Variants in AUTS2 observed in about 807,000 individuals in gnomAD.
AUTS2 encodes the protein autism susceptibility gene 2 protein.
AUTS2 carries 17 observed loss-of-function variants against 112.4 expected under a neutral mutation model. That is an observed-to-expected ratio of 0.15 (90% CI 0.10 to 0.23). The LOEUF is 0.23. Ranked by LOEUF, AUTS2 falls within the 10% of genes least tolerant of loss-of-function variation. AUTS2 has a pLI of 1.00. For missense variants in AUTS2, 1,510 were observed against 1,701.6 expected, an observed-to-expected ratio of 0.89 and a Z score of 1.98; for synonymous variants, 751 against 702.7, an observed-to-expected ratio of 1.07 and a Z score of -1.09.
chr7:69,809,109 C>T (rs956831405), intron 1 of AUTS2, among the ~76,000 whole-genome samples: 2 of 151,970 alleles, frequency 1.3e-5, no homozygotes, highest in African/African-American at 2.4e-5. Flanking sequence ...GAGTCTCGCT[C>T]CGTTGCCCAG....
At chr7:70,332,879 A>G (rs1790821648) in intron 4 of AUTS2, among the ~76,000 whole-genome samples, 1 of 152,216 alleles carries the variant, frequency 6.6e-6, no homozygotes, top group Non-Finnish European at 1.5e-5. Context: ...AAACCTAAGC[A>G]ATACCATTCA....
chr7:70,031,055 A>G (rs940584329), intron 2 of AUTS2, among the ~76,000 whole-genome samples: 1 of 152,122 alleles, frequency 6.6e-6, no homozygotes, highest in Non-Finnish European at 1.5e-5. Context: ...AAAGGGAGGG[A>G]GGGAGGACTG....
chr7:70,610,053 G>A (rs1473465081), intron 5 of AUTS2, among the ~76,000 whole-genome samples: 2 of 152,108 alleles, frequency 1.3e-5, no homozygotes, highest in Non-Finnish European at 2.9e-5. Context: ...GTGCAGTGGT[G>A]CGATCTTGGC....
At chr7:70,108,490 TG>T (rs1562701240) in intron 2 of AUTS2, among the ~76,000 whole-genome samples, 1 of 152,064 alleles carries the variant, frequency 6.6e-6, no homozygotes, top group African/African-American at 2.4e-5. Flanking sequence ...AATTAAGACA[TG>T]GCTAATCTTA....
At chr7:70,318,143 A>G (rs899741740) in intron 4 of AUTS2, among the ~76,000 whole-genome samples, 8 of 152,168 alleles carry the variant, frequency 5.3e-5, no homozygotes, top group African/African-American at 1.9e-4. Context: ...AGAGATTTTC[A>G]TGACAGAATC....
At chr7:70,308,166 G>A (rs1045000822) in intron 4 of AUTS2, among the ~76,000 whole-genome samples, 4 of 152,186 alleles carry the variant, frequency 2.6e-5, no homozygotes, top group African/African-American at 4.8e-5. Flanking sequence ...CAGAGCCCTC[G>A]TTTTCAGATA....
chr7:70,055,040 C>T (rs1256506887), intron 2 of AUTS2, among the ~76,000 whole-genome samples: 1 of 152,090 alleles, frequency 6.6e-6, no homozygotes, highest in African/African-American at 2.4e-5. Flanking sequence ...TACTTCTTTC[C>T]TTCTACTTTA....
intron 5 of AUTS2, 64 bp downstream of exon 5, chr7:70,435,845 A>T: frequency 6.5e-7 from 1 of 1,548,200 alleles, no homozygotes; most frequent in Non-Finnish European, 8.9e-7. Context: ...GAGTCCTCCC[A>T]CACACAGCTG....
intron 1 of AUTS2, among the ~76,000 whole-genome samples, chr7:69,645,481 G>C (rs1794983645): frequency 6.6e-6 from 1 of 152,170 alleles, no homozygotes; most frequent in African/African-American, 2.4e-5. Flanking sequence ...GTCAGGTAGA[G>C]AGAGGAAACA....
chr7:69,872,159 G>A (rs1793527624), intron 1 of AUTS2, among the ~76,000 whole-genome samples: 1 of 152,214 alleles, frequency 6.6e-6, no homozygotes, highest in South Asian at 2.1e-4. Context: ...GATTGCACAG[G>A]TCACACACCC....
At chr7:70,781,367 A>C in intron 14 of AUTS2, 1 of 256,444 alleles carries the variant, frequency 3.9e-6, no homozygotes, top group Non-Finnish European at 7.3e-6. Context: ...TCCGTCACAA[A>C]AAAAAAAAAA....
chr7:70,557,680 G>T (rs1257860385), intron 5 of AUTS2, among the ~76,000 whole-genome samples: 8 of 152,214 alleles, frequency 5.3e-5, no homozygotes, highest in Non-Finnish European at 8.8e-5. Context: ...TTGTGCAGAT[G>T]GCAGCTACTA....
chr7:69,853,201 G>C (rs904850447), intron 1 of AUTS2, among the ~76,000 whole-genome samples: 4 of 152,106 alleles, frequency 2.6e-5, no homozygotes, highest in Admixed American at 2.6e-4. Flanking sequence ...TTTCTGTCTA[G>C]TTGCTCTATC....
intron 2 of AUTS2, among the ~76,000 whole-genome samples, chr7:69,954,152 C>CA (rs1472815057): frequency 6.6e-6 from 1 of 151,298 alleles, no homozygotes; most frequent in African/African-American, 2.5e-5. Context: ...TCAAACTAAT[C>CA]AATCACTCCA....
chr7:69,830,536 T>C (rs919817223), intron 1 of AUTS2, among the ~76,000 whole-genome samples: 1 of 152,248 alleles, frequency 6.6e-6, no homozygotes, highest in Non-Finnish European at 1.5e-5. Flanking sequence ...CTTCTAATAT[T>C]TTCTAGTTGG....
intron 5 of AUTS2, among the ~76,000 whole-genome samples, chr7:70,528,821 G>A (rs988237902): frequency 6.6e-6 from 1 of 151,504 alleles, no homozygotes; most frequent in African/African-American, 2.4e-5. Flanking sequence ...AAAAAAAAAG[G>A]AGTATGCCCT....
intron 5 of AUTS2, among the ~76,000 whole-genome samples, chr7:70,496,141 A>G (rs1798482190): frequency 7.6e-6 from 1 of 131,580 alleles, no homozygotes; most frequent in Non-Finnish European, 1.6e-5. Context: ...TCGATCACAC[A>G]CCCCACTCAC....
At chr7:70,711,974 T>C (rs1810077582) in intron 6 of AUTS2, among the ~76,000 whole-genome samples, 1 of 152,140 alleles carries the variant, frequency 6.6e-6, no homozygotes, top group African/African-American at 2.4e-5. Context: ...CCCAACATGC[T>C]TAAAGGATGT....
At chr7:70,366,394 A>G (rs1456352889) in intron 4 of AUTS2, among the ~76,000 whole-genome samples, 4 of 152,182 alleles carry the variant, frequency 2.6e-5, no homozygotes, top group Non-Finnish European at 4.4e-5. Context: ...TGGATGAGTA[A>G]AGCTCCCCAG....
Sources: allele counts gnomAD v4.1 joint callset (sites outside exome capture counted in the v4.1 genomes callset), GRCh38; gene constraint gnomAD v4.1.1; transcripts MANE v1.5; gene names NCBI Gene and HGNC (gene_info 2026-07-23, HGNC 2026-07-21).